UNC13C: variants seen among roughly 807,000 people sequenced by gnomAD.
UNC13C encodes unc-13 homolog C.
Under a neutral mutation model 245.4 loss-of-function variants are expected in UNC13C, and 174 were observed. The observed-to-expected ratio is 0.71, with a 90% CI of 0.63 to 0.80. The LOEUF (loss-of-function observed/expected upper bound fraction) is 0.80. UNC13C is among the 30% of genes least tolerant of loss of function. The probability of loss-of-function intolerance (pLI) is 0.00; values close to 1 mark genes in which losing one functional copy is unlikely to be tolerated. For synonymous variants in UNC13C, 992 were observed against 895.1 expected, an observed-to-expected ratio of 1.11 and a Z score of -1.93; for missense variants, 2,829 against 2,602.9, an observed-to-expected ratio of 1.09 and a Z score of -1.89.
At chr15:54,622,594 A>G (rs532071439) in intron 31 of UNC13C, among the ~76,000 whole-genome samples, 175 bp downstream of exon 31, 2 of 152,360 alleles carry the variant, frequency 1.3e-5, no homozygotes, top group Non-Finnish European at 2.9e-5. Flanking sequence ...TATCAATGGC[A>G]CTAATGTTTA....
In UNC13C at chr15:54,139,264, T is replaced by C. The variant is rs532061612; in HGVS notation, c.2984-3754T>C. Among the ~76,000 whole-genome samples, 859 of 151,764 alleles carry C rather than the reference T, an allele frequency of 5.7e-3. 7 individuals are homozygous for C. Among genetic ancestry groups the C allele is most frequent in the African/African-American group, 0.02 (821 of 41,396 alleles). On this transcript the variant is annotated intron_variant, in intron 2 of 32. Coordinates refer to ENST00000260323, the MANE Select transcript of UNC13C (RefSeq NM_001080534.3). ...TGAGCAACCGCATCCGGCCCAAATTTCCCCTTTTTATAAGAACACCAATCA... is the reference window on the plus strand; with the variant it reads ...TGAGCAACCGCATCCGGCCCAAATTCCCCCTTTTTATAAGAACACCAATCA...
chr15:53,853,667 A>T, the UNC13C span, among the ~76,000 whole-genome samples: 1 of 152,208 alleles, frequency 6.6e-6, no homozygotes, highest in South Asian at 2.1e-4. Flanking sequence ...TTGTTTTCTG[A>T]CTTTTTAATA....
At chr15:54,372,585 A>T (rs889335970) in intron 17 of UNC13C, among the ~76,000 whole-genome samples, 2 of 152,156 alleles carry the variant, frequency 1.3e-5, no homozygotes, top group Non-Finnish European at 2.9e-5. Context: ...TTTATTATCT[A>T]ATCTTGTTTT....
In UNC13C at chr15:54,220,209, A is replaced by G. The variant is rs60682189; in HGVS notation, c.3072-14821A>G. Reference sequence around the variant, plus strand: ...TTGGAACCAACCCAAATGTCTAACAATGATAGACTGGATTAAGAAAATGTG... The same window carrying G: ...TTGGAACCAACCCAAATGTCTAACAGTGATAGACTGGATTAAGAAAATGTG... On this transcript the variant is annotated intron_variant, in intron 4 of 32. Coordinates refer to ENST00000260323, the MANE Select transcript of UNC13C (RefSeq NM_001080534.3). Among the ~76,000 whole-genome samples, 22 of 151,208 alleles carry G rather than the reference A, an allele frequency of 1.5e-4. No homozygotes were observed. In the East Asian group the frequency reaches 3.7e-3, roughly 25 times the overall value.
chr15:54,258,565 C>T (rs2036340972), intron 8 of UNC13C, among the ~76,000 whole-genome samples: 1 of 151,936 alleles, frequency 6.6e-6, no homozygotes, highest in African/African-American at 2.4e-5. Flanking sequence ...GATGGAGTTC[C>T]ACCATGTTGG....
At chr15:54,126,809 A>G (rs1165761222) in intron 2 of UNC13C, among the ~76,000 whole-genome samples, 4 of 152,212 alleles carry the variant, frequency 2.6e-5, no homozygotes, top group Admixed American at 2.6e-4. Flanking sequence ...CAATCTATCC[A>G]TCTGACAAAG....
chr15:54,198,650 A>G (rs1567090010), intron 4 of UNC13C, among the ~76,000 whole-genome samples: 2 of 152,142 alleles, frequency 1.3e-5, no homozygotes. Context: ...CCCCTCTCCT[A>G]GGGGAAGTAG....
At chr15:54,155,014 G>C (rs986450411) in intron 4 of UNC13C, among the ~76,000 whole-genome samples, 1 of 152,156 alleles carries the variant, frequency 6.6e-6, no homozygotes, top group African/African-American at 2.4e-5. Flanking sequence ...AATATCAGAT[G>C]CTTGATTATT....
intron 2 of UNC13C, among the ~76,000 whole-genome samples, chr15:54,062,398 G>C (rs1042459681): frequency 1.3e-5 from 2 of 151,436 alleles, no homozygotes; most frequent in Non-Finnish European, 2.9e-5. Context: ...TCCTATAGAG[G>C]ATGATCCCAG....
intron 26 of UNC13C, among the ~76,000 whole-genome samples, chr15:54,543,760 CT>C (rs1347001826): frequency 2.6e-5 from 4 of 152,102 alleles, no homozygotes; most frequent in African/African-American, 9.6e-5. Flanking sequence ...AGTCAAATCC[CT>C]GAATAGACCA....
At chr15:54,011,255 G>A (rs1265742402) in intron 1 of UNC13C, among the ~76,000 whole-genome samples, 2 of 152,100 alleles carry the variant, frequency 1.3e-5, no homozygotes, top group Admixed American at 6.6e-5. Context: ...GCTTCATTTC[G>A]CATTGAACTT....
Position 54,338,341 on chromosome 15 carries a change from T to A in UNC13C, c.4585-20T>A. The stretch of plus-strand genomic sequence containing the variant: ...TGTGTCACTGTTGCATTTGAGAAAA[T>A]AAATGTCTGTCTTTGTCAGGTTCTG... On this transcript the variant is annotated intron_variant, in intron 16 of 32. Coordinates refer to ENST00000260323, the MANE Select transcript of UNC13C (RefSeq NM_001080534.3). The A allele has an allele frequency of 6.3e-7, 1 of 1,593,714 alleles. No individual in the cohort carries two copies. The highest frequency in any genetic ancestry group is 8.6e-7 in the Non-Finnish European group (1 of 1,168,574).
chr15:54,015,293 T>G lies in UNC13C; in HGVS notation c.2390T>G (p.Phe797Cys). Residue 797 changes from phenylalanine to cysteine, a missense_variant, in exon 2 of 33, where the codon TTT (phenylalanine) becomes TGT (cysteine). Physicochemically the swap from Phe to Cys is radical, Grantham distance 205. Transcript: ENST00000260323. ...LSDKTFSFPKFGSTLQRAKSA... is the reference protein window; with the variant it reads ...LSDKTFSFPKCGSTLQRAKSA... ...GATAAGACTTTCAGCTTCCCAAAAT[T>G]TGGATCTACACTGCAGAGGGCTAAA... 2 of 1,425,992 alleles carry G rather than the reference T, an allele frequency of 1.4e-6. No homozygotes were observed. The highest frequency in any genetic ancestry group is 1.6e-5 in the South Asian group (1 of 62,442). 88.3% of individuals were successfully genotyped at this position (1,425,992 alleles called of 1,614,324 possible).
chr15:54,037,468 A>G (rs997243279), intron 2 of UNC13C, among the ~76,000 whole-genome samples: 3 of 152,206 alleles, frequency 2.0e-5, no homozygotes, highest in African/African-American at 7.2e-5. Flanking sequence ...GCTTAGCACA[A>G]TGCTTGTCAT....
chr15:54,108,363 A>T (rs13379646), intron 2 of UNC13C, among the ~76,000 whole-genome samples: 14,677 of 151,832 alleles, frequency 0.097, 938 homozygotes, highest in East Asian at 0.27. Flanking sequence ...ATTTTTTTGT[A>T]TTTTTAGTAG....
intron 2 of UNC13C, among the ~76,000 whole-genome samples, chr15:54,134,385 C>T (rs187494878): frequency 3.8e-4 from 57 of 149,978 alleles, no homozygotes; most frequent in African/African-American, 1.3e-3. Flanking sequence ...TCATGAATGG[C>T]AGGAGTTTTT....
intron 30 of UNC13C, among the ~76,000 whole-genome samples, chr15:54,587,784 C>G (rs1233735928): frequency 6.9e-6 from 1 of 145,090 alleles, no homozygotes; most frequent in Non-Finnish European, 1.5e-5. Flanking sequence ...ACACAAACAG[C>G]AAACATCTTT....
At chr15:54,232,718 G>A (rs752604853) in intron 4 of UNC13C, among the ~76,000 whole-genome samples, 9 of 152,054 alleles carry the variant, frequency 5.9e-5, no homozygotes, top group Non-Finnish European at 1.3e-4. Flanking sequence ...AATACTTGAA[G>A]GTTTATAGTT....
At chr15:54,565,582 A>T (rs1341534222) in intron 29 of UNC13C, among the ~76,000 whole-genome samples, 1 of 152,072 alleles carries the variant, frequency 6.6e-6, no homozygotes, top group Non-Finnish European at 1.5e-5. Flanking sequence ...TTATTCATCA[A>T]TTAGTGAGAG....
Sources: allele counts gnomAD v4.1 joint callset (sites outside exome capture counted in the v4.1 genomes callset), GRCh38; gene constraint gnomAD v4.1.1; transcripts MANE v1.5; gene names NCBI Gene and HGNC (gene_info 2026-07-23, HGNC 2026-07-21).